PPP3CA: variants seen among roughly 807,000 people sequenced by gnomAD.
PPP3CA encodes CAM-PRP catalytic subunit.
PPP3CA carries 14 observed loss-of-function variants against 66.5 expected under a neutral mutation model. The ratio of observed to expected loss-of-function variants is 0.21; its 90% confidence interval spans 0.14 to 0.33. The LOEUF (loss-of-function observed/expected upper bound fraction) is 0.33. PPP3CA is among the 10% of genes least tolerant of loss of function. The pLI is 1.00. For synonymous variants in PPP3CA, 232 were observed against 226.2 expected, an observed-to-expected ratio of 1.03 and a Z score of -0.23; for missense variants, 317 against 639.5, an observed-to-expected ratio of 0.50 and a Z score of 5.44.
chr4:101,201,473 T>C (rs768332072), intron 1 of PPP3CA, among the ~76,000 whole-genome samples: 3 of 152,346 alleles, frequency 2.0e-5, no homozygotes, highest in Middle Eastern at 3.4e-3. Flanking sequence ...TACACAAATA[T>C]GAATTTCAGA....
chr4:101,072,720 C>T (rs1419055071), intron 8 of PPP3CA, among the ~76,000 whole-genome samples: 5 of 151,752 alleles, frequency 3.3e-5, no homozygotes, highest in Admixed American at 3.3e-4. Context: ...AAATATATAA[C>T]CAACTGAAGA....
At chr4:101,176,782 A>G (rs1053994730) in intron 2 of PPP3CA, among the ~76,000 whole-genome samples, 2 of 152,006 alleles carry the variant, frequency 1.3e-5, no homozygotes, top group East Asian at 3.9e-4. Flanking sequence ...ACTACTGTGA[A>G]GCCCCCCCAA....
chr4:101,330,467 C>A, intron 1 of PPP3CA: 1 of 528,134 alleles, frequency 1.9e-6, no homozygotes, highest in Non-Finnish European at 3.9e-6. Context: ...ACTGACAGTT[C>A]AGATGATCAT....
intron 1 of PPP3CA, among the ~76,000 whole-genome samples, chr4:101,232,987 A>C (rs1726010571): frequency 1.3e-5 from 2 of 151,126 alleles, no homozygotes; most frequent in Non-Finnish European, 3.0e-5. Context: ...TATCTACCCA[A>C]ATTAATTATC....
chr4:101,161,250 T>C (rs1004845863), intron 2 of PPP3CA, among the ~76,000 whole-genome samples: 1 of 152,112 alleles, frequency 6.6e-6, no homozygotes, highest in Non-Finnish European at 1.5e-5. Context: ...CCTATGATGT[T>C]CCCACAACAA....
chr4:101,311,648 C>T (rs1053665689), intron 1 of PPP3CA, among the ~76,000 whole-genome samples: 13 of 152,102 alleles, frequency 8.5e-5, no homozygotes, highest in Admixed American at 1.3e-4. Flanking sequence ...GGCATGGTGG[C>T]GTGTGTCTGT....
chr4:101,164,562 GTT>G (rs36078367), intron 2 of PPP3CA, among the ~76,000 whole-genome samples: 1 of 142,192 alleles, frequency 7.0e-6, no homozygotes, highest in African/African-American at 2.6e-5. Flanking sequence ...TGGGATTTAA[GTT>G]TTTTTTTTTT....
In PPP3CA at chr4:101,119,181, T is replaced by C. The variant is rs149677799; in HGVS notation, c.260-10103A>G. ...GTAAACTACACAAAAAGTTGTTCTA[T>C]ATTTTTCCACATTTTATCCAAATGT... On this transcript the variant is annotated intron_variant, in intron 2 of 13. Coordinates refer to ENST00000394854, the MANE Select transcript of PPP3CA (RefSeq NM_000944.5). Among the ~76,000 whole-genome samples, 543 of 152,102 alleles carry C rather than the reference T, an allele frequency of 3.6e-3. 3 individuals carry two copies. Among genetic ancestry groups the C allele is most frequent in the African/African-American group, 0.012 (509 of 41,526 alleles).
At chr4:101,126,623 AC>A (rs1369040597) in intron 2 of PPP3CA, among the ~76,000 whole-genome samples, 1 of 152,134 alleles carries the variant, frequency 6.6e-6, no homozygotes, top group African/African-American at 2.4e-5. Flanking sequence ...TTTATGATGC[AC>A]CTTTTATTCA....
rs1233760454 is a variant in PPP3CA, at chr4:101,263,853, T to C, written c.59-67737A>G. ...TAAGGTACCATTCAAGGGTTTTATA[T>C]AAATGGAATAGAAATCTATATATAC... On this transcript the variant is annotated intron_variant, in intron 1 of 13. Transcript: ENST00000394854. 2.0e-5 allele frequency among the ~76,000 whole-genome samples: 3 copies of C among 152,192 alleles called. No individual in the cohort carries two copies. The East Asian group carries it at 5.8e-4, about 29-fold the overall frequency.
chr4:101,124,926 T>C (rs1055729635), intron 2 of PPP3CA, among the ~76,000 whole-genome samples: 1 of 152,246 alleles, frequency 6.6e-6, no homozygotes, highest in Non-Finnish European at 1.5e-5. Context: ...TACTGAATTA[T>C]TAATTGATGC....
chr4:101,325,297 G>C (rs193275746), intron 1 of PPP3CA, among the ~76,000 whole-genome samples: 1 of 152,222 alleles, frequency 6.6e-6, no homozygotes, highest in Non-Finnish European at 1.5e-5. Flanking sequence ...TCAAAAGGTA[G>C]GGCCTGAAAT....
chr4:101,081,967 A>AT (rs1340108188), intron 7 of PPP3CA, among the ~76,000 whole-genome samples: 3 of 152,208 alleles, frequency 2.0e-5, no homozygotes, highest in African/African-American at 7.2e-5. Flanking sequence ...CATAATCTCA[A>AT]TTTTTCCAAT....
intron 2 of PPP3CA, among the ~76,000 whole-genome samples, chr4:101,147,519 C>T (rs73833227): frequency 0.15 from 23,234 of 151,980 alleles, 2,090 homozygotes; most frequent in African/African-American, 0.24. Flanking sequence ...AAAGCTGAGC[C>T]CATTGAAATA....
chr4:101,093,952 C>CT (rs1393566948), intron 5 of PPP3CA, 37 bp from the exon 6 acceptor site: 4 of 1,543,696 alleles, frequency 2.6e-6, no homozygotes, highest in Non-Finnish European at 3.5e-6. Flanking sequence ...AAATACTAAT[C>CT]TTTGGAAACT....
intron 1 of PPP3CA, among the ~76,000 whole-genome samples, chr4:101,298,896 T>C (rs1031988869): frequency 1.3e-5 from 2 of 149,932 alleles, no homozygotes; most frequent in Non-Finnish European, 3.0e-5. Flanking sequence ...TATACACTCA[T>C]GCATTGCTTT....
chr4:101,108,931 A>T, intron 3 of PPP3CA, 23 bp downstream of exon 3: 1 of 1,609,272 alleles, frequency 6.2e-7, no homozygotes, highest in South Asian at 1.1e-5. Context: ...CTGAACAGCA[A>T]AGAAGACATG....
intron 8 of PPP3CA, among the ~76,000 whole-genome samples, chr4:101,071,005 G>A (rs1380004638): frequency 6.6e-6 from 1 of 152,142 alleles, no homozygotes; most frequent in Non-Finnish European, 1.5e-5. Flanking sequence ...TTATAATAAT[G>A]CTAAAGTGAG....
At chr4:101,344,387 A>G (rs1729913808) in intron 1 of PPP3CA, among the ~76,000 whole-genome samples, 1 of 152,220 alleles carries the variant, frequency 6.6e-6, no homozygotes, top group African/African-American at 2.4e-5. Flanking sequence ...AATGCCTTTC[A>G]TGCCAATAAT....
Sources: allele counts gnomAD v4.1 joint callset (sites outside exome capture counted in the v4.1 genomes callset), GRCh38; gene constraint gnomAD v4.1.1; transcripts MANE v1.5; gene names NCBI Gene and HGNC (gene_info 2026-07-23, HGNC 2026-07-21).